The following CADM2 variants were observed in gnomAD, a reference collection of about 807,000 sequenced individuals.
CADM2 encodes the protein cell adhesion molecule 2.
A neutral mutation model predicts 49.8 loss-of-function variants in CADM2; 12 were observed. That is an observed-to-expected ratio of 0.24 (90% confidence interval 0.15 to 0.39). The LOEUF (loss-of-function observed/expected upper bound fraction) is 0.39. Among genes scored for constraint, CADM2 ranks in the 10% least tolerant of loss-of-function variants. The pLI is 1.00. For synonymous variants in CADM2, 214 were observed against 175.4 expected (o/e 1.22, Z -1.74); for missense variants, 378 against 492.3 (o/e 0.77, Z 2.20).
chr3:85,944,567 ACTGT>A (rs1342994697), intron 7 of CADM2, among the ~76,000 whole-genome samples: 32 of 152,242 alleles, frequency 2.1e-4, no homozygotes, highest in African/African-American at 7.0e-4. Context: ...ATTATAACAA[ACTGT>A]CTGTCAGACC....
intron 8 of CADM2, among the ~76,000 whole-genome samples, chr3:85,999,466 C>G (rs1283606899): frequency 1.3e-5 from 2 of 151,078 alleles, no homozygotes; most frequent in Non-Finnish European, 2.9e-5. Flanking sequence ...GATAGTGCCA[C>G]TGCACTCCAG....
At chr3:85,603,062 G>A (rs1386297129) in intron 1 of CADM2, among the ~76,000 whole-genome samples, 4 of 151,806 alleles carry the variant, frequency 2.6e-5, no homozygotes, top group Admixed American at 2.0e-4. Context: ...TTTAAACACT[G>A]TGTTCATGTC....
intron 8 of CADM2, among the ~76,000 whole-genome samples, chr3:86,026,768 A>G (rs1733952844): frequency 6.6e-6 from 1 of 152,210 alleles, no homozygotes; most frequent in Non-Finnish European, 1.5e-5. Context: ...CTCTTGGTCT[A>G]TCAGATCTGC....
intron 3 of CADM2, among the ~76,000 whole-genome samples, chr3:85,860,408 C>A (rs1345701233): frequency 1.3e-5 from 2 of 151,732 alleles, no homozygotes; most frequent in Non-Finnish European, 2.9e-5. Context: ...GGAAAAAAAA[C>A]AAGAAAGAGG....
At chr3:85,460,240 A>T (rs942939543) in intron 1 of CADM2, among the ~76,000 whole-genome samples, 3 of 151,802 alleles carry the variant, frequency 2.0e-5, no homozygotes, top group Admixed American at 1.3e-4. Context: ...CTCTCTAAGA[A>T]GGGAGTATTT....
intron 1 of CADM2, among the ~76,000 whole-genome samples, chr3:85,455,312 C>G (rs1266790907): frequency 1.3e-5 from 2 of 152,192 alleles, no homozygotes; most frequent in African/African-American, 2.4e-5. Context: ...GCTAATTGCA[C>G]TAATTATTAT....
chr3:85,604,584 A>G (rs1435194365), intron 1 of CADM2, among the ~76,000 whole-genome samples: 1 of 152,034 alleles, frequency 6.6e-6, no homozygotes, highest in Admixed American at 6.6e-5. Context: ...AAAAAATCTC[A>G]GATGAATGGC....
At chr3:85,275,812 A>C (rs1369143074) in intron 1 of CADM2, among the ~76,000 whole-genome samples, 1 of 151,230 alleles carries the variant, frequency 6.6e-6, no homozygotes, top group East Asian at 1.9e-4. Flanking sequence ...CTGATTTCAT[A>C]GTTTCAAAGA....
At chr3:85,918,977 T>C (rs1234744054) in intron 6 of CADM2, among the ~76,000 whole-genome samples, 1 of 152,064 alleles carries the variant, frequency 6.6e-6, no homozygotes, top group Non-Finnish European at 1.5e-5. Flanking sequence ...ATATTCATTT[T>C]CTGTATGTAT....
At chr3:85,614,261 C>T (rs1278991497) in intron 1 of CADM2, among the ~76,000 whole-genome samples, 1 of 146,200 alleles carries the variant, frequency 6.8e-6, no homozygotes, top group Non-Finnish European at 1.5e-5. Flanking sequence ...TGAAAAGTAA[C>T]CACAAATATT....
At chr3:85,422,954 C>T (rs1170291040) in intron 1 of CADM2, among the ~76,000 whole-genome samples, 10 of 151,980 alleles carry the variant, frequency 6.6e-5, no homozygotes, top group Admixed American at 2.6e-4. Flanking sequence ...TTTGGGTTCC[C>T]GCACCCAGTG....
At chr3:86,023,843 C>G (rs1381904559) in intron 8 of CADM2, among the ~76,000 whole-genome samples, 4 of 152,190 alleles carry the variant, frequency 2.6e-5, no homozygotes, top group African/African-American at 7.2e-5. Context: ...CCAATCTTCA[C>G]TTCATCACTC....
At chr3:85,762,411 A>G (rs1559639368) in intron 2 of CADM2, among the ~76,000 whole-genome samples, 1 of 151,988 alleles carries the variant, frequency 6.6e-6, no homozygotes, top group Non-Finnish European at 1.5e-5. Context: ...AATTTGAGAT[A>G]TTTCTCATGC....
intron 1 of CADM2, among the ~76,000 whole-genome samples, chr3:85,167,473 A>G (rs1214381093): frequency 2.0e-5 from 3 of 152,178 alleles, no homozygotes; most frequent in African/African-American, 7.2e-5. Context: ...AGCAGGAAAC[A>G]TTTGAAAGCA....
intron 4 of CADM2, 24 bp from the exon 5 acceptor site, chr3:85,886,166 C>T (rs750122279): frequency 3.1e-6 from 5 of 1,611,434 alleles, no homozygotes; most frequent in Non-Finnish European, 4.2e-6. Flanking sequence ...TTGATGCTCA[C>T]TTCATCATTC....
intron 1 of CADM2, among the ~76,000 whole-genome samples, chr3:85,270,318 G>A (rs1041745225): frequency 1.3e-5 from 2 of 151,144 alleles, no homozygotes; most frequent in Admixed American, 6.6e-5. Flanking sequence ...ATTCTCTAAG[G>A]TCTGGTTTGT....
chr3:85,734,080 T>C, intron 2 of CADM2, among the ~76,000 whole-genome samples: 1 of 152,260 alleles, frequency 6.6e-6, no homozygotes, highest in Middle Eastern at 3.4e-3. Context: ...AAATGTAATT[T>C]ACTGTATTTC....
intron 1 of CADM2, among the ~76,000 whole-genome samples, chr3:85,132,904 G>A (rs1436034159): frequency 6.6e-6 from 1 of 152,108 alleles, no homozygotes; most frequent in Non-Finnish European, 1.5e-5. Context: ...CCCTGGCGGT[G>A]AGTGTTACAG....
chr3:85,657,304 G>A (rs1025242917), intron 1 of CADM2, among the ~76,000 whole-genome samples: 3 of 152,056 alleles, frequency 2.0e-5, no homozygotes, highest in Admixed American at 1.3e-4. Context: ...ATTACATGAA[G>A]TAATAATATT....
Sources: gnomAD v4.1 joint callset for allele counts (sites outside exome capture counted in the v4.1 genomes callset) on GRCh38, gnomAD v4.1.1 for gene constraint, MANE v1.5 for transcripts, NCBI Gene and HGNC (gene_info 2026-07-23, HGNC 2026-07-21) for gene names.